SPOCK1: variants seen among roughly 807,000 people sequenced by gnomAD.
The protein encoded by SPOCK1 is SPARC (osteonectin), cwcv and kazal like domains proteoglycan 1.
Under a neutral mutation model 55.3 loss-of-function variants are expected in SPOCK1, and 23 were observed. The observed-to-expected ratio is 0.42, with a 90% CI of 0.30 to 0.59. The LOEUF is 0.59. Ranked by LOEUF, SPOCK1 falls within the 20% of genes least tolerant of loss-of-function variation. SPOCK1 has a pLI of 0.22. For missense variants in SPOCK1, 499 were observed against 552.5 expected (o/e 0.90, Z 0.97); for synonymous variants, 226 against 221.0 (o/e 1.02, Z -0.20).
rs558813382 is a variant in SPOCK1, at chr5:137,104,312, C to A, written c.474+8123G>T. Among the ~76,000 whole-genome samples, 117 of 152,314 alleles carry A rather than the reference C, an allele frequency of 7.7e-4. 2 individuals are homozygous for A. Among genetic ancestry groups the A allele is most frequent in the Non-Finnish European group, 3.1e-4 (21 of 68,036 alleles). On this transcript the variant is annotated intron_variant, in intron 5 of 10. Transcript: ENST00000394945. ...GGGCCTGCTTCCACTTCAACTTCCA[C>A]CATGATTATAAATTTCCTGAGGCCT...
chr5:137,143,536 C>G (rs1033349089), intron 3 of SPOCK1, among the ~76,000 whole-genome samples: 1 of 152,060 alleles, frequency 6.6e-6, no homozygotes, highest in Non-Finnish European at 1.5e-5. Context: ...ACTTTCCTCT[C>G]CTGTAAAAAT....
intron 3 of SPOCK1, among the ~76,000 whole-genome samples, chr5:137,180,933 G>A (rs758891770): frequency 2.0e-5 from 3 of 152,120 alleles, no homozygotes; most frequent in Non-Finnish European, 2.9e-5. Flanking sequence ...TCTTGGAATC[G>A]AATCCAATCT....
At chr5:137,081,044 T>C (rs1392001126) in intron 5 of SPOCK1, among the ~76,000 whole-genome samples, 1 of 152,240 alleles carries the variant, frequency 6.6e-6, no homozygotes, top group East Asian at 1.9e-4. Context: ...ACAGCTCCTC[T>C]GTTCTGATCC....
intron 6 of SPOCK1, among the ~76,000 whole-genome samples, chr5:137,007,737 C>T (rs1751277678): frequency 6.6e-6 from 1 of 152,036 alleles, no homozygotes; most frequent in South Asian, 2.1e-4. Context: ...GTGGCGATTC[C>T]TCAAGGATTT....
chr5:137,165,375 C>T (rs538821394), intron 3 of SPOCK1, among the ~76,000 whole-genome samples: 1 of 152,318 alleles, frequency 6.6e-6, no homozygotes, highest in South Asian at 2.1e-4. Context: ...AGGTGTCCCC[C>T]TAAAGGATAT....
chr5:137,195,676 G>T (rs1580801890), intron 3 of SPOCK1, among the ~76,000 whole-genome samples: 2 of 152,206 alleles, frequency 1.3e-5, no homozygotes, highest in East Asian at 3.9e-4. Context: ...TCCAGATTTG[G>T]AAACTTTATG....
chr5:137,354,365 C>G (rs938051065), intron 2 of SPOCK1, among the ~76,000 whole-genome samples: 1 of 152,156 alleles, frequency 6.6e-6, no homozygotes, highest in Admixed American at 6.5e-5. Flanking sequence ...AAGAACACCT[C>G]AAACCTGGCT....
rs1750655286 is a variant in SPOCK1 at position 136,978,239 on chromosome 5, C to CACTT, written c.*411_*414dup. On this transcript the variant is annotated 3_prime_UTR_variant, in exon 11 of 11. Coordinates refer to ENST00000394945, the MANE Select transcript of SPOCK1 (RefSeq NM_004598.4). ...CAACATCTACAGGACACAAGAGAAG[C>CACTT]ACTTAGACACTGTAAGGCTGGGAAC... 3.3e-6 allele frequency: 1 copy of CACTT among 306,440 alleles called. No homozygotes were observed. The highest frequency in any genetic ancestry group is 5.9e-6 in the Non-Finnish European group (1 of 168,994). The allele number at this position is 306,440 out of a possible 1,614,324, so 19.0% of individuals were successfully genotyped here.
chr5:137,120,148 GC>G, intron 4 of SPOCK1, among the ~76,000 whole-genome samples: 1 of 152,228 alleles, frequency 6.6e-6, no homozygotes, highest in Middle Eastern at 3.4e-3. Flanking sequence ...ACCCCGTCTT[GC>G]TTGGCCCAGA....
chr5:137,269,312 C>T (rs1002534114), intron 2 of SPOCK1, among the ~76,000 whole-genome samples: 3 of 152,228 alleles, frequency 2.0e-5, no homozygotes, highest in African/African-American at 7.2e-5. Context: ...TTCTCTGCAT[C>T]TGATTGCTTT....
intron 2 of SPOCK1, among the ~76,000 whole-genome samples, chr5:137,494,814 G>A (rs982743233): frequency 6.6e-6 from 1 of 152,272 alleles, no homozygotes; most frequent in Admixed American, 6.5e-5. Flanking sequence ...ATGAATGAAG[G>A]TACAAATGAA....
At chr5:137,184,774 C>T (rs1755034802) in intron 3 of SPOCK1, among the ~76,000 whole-genome samples, 2 of 152,136 alleles carry the variant, frequency 1.3e-5, no homozygotes, top group African/African-American at 4.8e-5. Context: ...CCATCACCCC[C>T]TCCTGTTCCC....
At chr5:137,462,711 G>T (rs1188587301) in intron 2 of SPOCK1, among the ~76,000 whole-genome samples, 2 of 152,210 alleles carry the variant, frequency 1.3e-5, no homozygotes, top group African/African-American at 4.8e-5. Context: ...GTAAGCTATT[G>T]TCACTAATTG....
intron 3 of SPOCK1, among the ~76,000 whole-genome samples, chr5:137,220,601 C>A (rs769520154): frequency 1.3e-5 from 2 of 152,194 alleles, no homozygotes; most frequent in Non-Finnish European, 2.9e-5. Context: ...AGTCTCCTAA[C>A]CACTATGAAC....
intron 2 of SPOCK1, among the ~76,000 whole-genome samples, chr5:137,306,277 G>C (rs1757699526): frequency 6.6e-6 from 1 of 152,210 alleles, no homozygotes; most frequent in African/African-American, 2.4e-5. Flanking sequence ...AAACCACCAT[G>C]GGGGTTTGGT....
chr5:137,313,650 C>A (rs1757824863), intron 2 of SPOCK1: 1 of 239,756 alleles, frequency 4.2e-6, no homozygotes, highest in South Asian at 1.6e-4. Context: ...GGAAAACAAT[C>A]ATCCAAGTCT....
intron 3 of SPOCK1, among the ~76,000 whole-genome samples, chr5:137,154,632 C>T (rs891505461): frequency 1.3e-5 from 2 of 152,190 alleles, no homozygotes; most frequent in African/African-American, 4.8e-5. Flanking sequence ...ATCTGTTGAA[C>T]ATGTTGAAGT....
intron 2 of SPOCK1, among the ~76,000 whole-genome samples, chr5:137,331,711 C>G (rs6866613): frequency 0.039 from 5,965 of 152,198 alleles, 434 homozygotes; most frequent in African/African-American, 0.14. Context: ...ACTAACAGAA[C>G]TCACTCATCA....
intron 2 of SPOCK1, among the ~76,000 whole-genome samples, chr5:137,415,542 T>G (rs1752310755): frequency 6.6e-6 from 1 of 152,244 alleles, no homozygotes; most frequent in African/African-American, 2.4e-5. Context: ...GAAAACTGCT[T>G]GGATCCCCAT....
Sources: gnomAD v4.1 joint callset for allele counts (sites outside exome capture counted in the v4.1 genomes callset) on GRCh38, gnomAD v4.1.1 for gene constraint, MANE v1.5 for transcripts, NCBI Gene and HGNC (gene_info 2026-07-23, HGNC 2026-07-21) for gene names.